Variants in TRIM34 observed in about 807,000 individuals in gnomAD.
The protein encoded by TRIM34 is E3 ubiquitin-protein ligase TRIM34.
Under a neutral mutation model 38.1 loss-of-function variants are expected in TRIM34, and 41 were observed. The observed-to-expected ratio is 1.08, with a 90% CI of 0.84 to 1.40. The LOEUF is 1.40. Among genes scored for constraint, TRIM34 ranks in the 40% most tolerant of loss-of-function variants. The probability of loss-of-function intolerance (pLI) is 0.00; values close to 1 mark genes in which losing one functional copy is unlikely to be tolerated. For synonymous variants in TRIM34, 200 were observed against 202.5 expected, an observed-to-expected ratio of 0.99 and a Z score of 0.10; for missense variants, 556 against 571.4, an observed-to-expected ratio of 0.97 and a Z score of 0.27.
In TRIM34 at chr11:5,632,993, ATTTT is replaced by A. The variant is rs147651925; in HGVS notation, c.423+254_423+257del. ...AGGCGCCTGCCACCGCGCCTGGCTAATTTTTTTTTTTTTTTTTTGGATTTTTAGT... is the reference window on the plus strand; with the variant it reads ...AGGCGCCTGCCACCGCGCCTGGCTAATTTTTTTTTTTTTTGGATTTTTAGT... On this transcript the variant is annotated intron_variant, in intron 2 of 7. Coordinates refer to ENST00000429814, the MANE Select transcript of TRIM34 (RefSeq NM_021616.6). Among the ~76,000 whole-genome samples, 522 of 122,246 alleles carry A rather than the reference ATTTT, an allele frequency of 4.3e-3. 5 individuals carry two copies. The South Asian group carries it at 0.046, about 11-fold the overall frequency. The allele number at this position is 122,246 out of a possible 152,430, so 80.2% of individuals were successfully genotyped here. A position where few individuals can be genotyped will look rare whatever the true frequency, so the allele number is the denominator to read the frequency against.
At chr11:5,631,617 T>C (rs1849484668) in intron 1 of TRIM34, among the ~76,000 whole-genome samples, 1 of 152,192 alleles carries the variant, frequency 6.6e-6, no homozygotes, top group Non-Finnish European at 1.5e-5. Context: ...TTTGTGTGGG[T>C]AGATGTGTTA....
intron 4 of TRIM34, among the ~76,000 whole-genome samples, chr11:5,639,446 C>T (rs966862166): frequency 5.3e-5 from 8 of 151,610 alleles, no homozygotes; most frequent in Non-Finnish European, 7.4e-5. Flanking sequence ...TTTGGGAGAC[C>T]GAAGAGGGCG....
At chr11:5,633,146 CTTTTTT>C (rs142147714) in intron 2 of TRIM34, among the ~76,000 whole-genome samples, 1 of 106,814 alleles carries the variant, frequency 9.4e-6, no homozygotes. Flanking sequence ...CCTTTTCTTT[CTTTTTT>C]TTTTTTTTTT....
At position 5,643,631 on chromosome 11, in the gene TRIM34, C is replaced by G. The variant is rs1264571731; in HGVS notation, c.1389C>G (p.Cys463Trp). Residue 463 changes from cysteine (C) to tryptophan (W), a missense_variant, in exon 8 of 8, where the codon TGC becomes TGG. Coordinates refer to ENST00000429814, the MANE Select transcript of TRIM34 (RefSeq NM_021616.6). ...TCATTTACAAGTTCTCTAAATGTTG[C>G]TTTTCTCAGCCTGTTTATCCATATT... is the stretch of plus-strand genomic sequence containing the variant. ...GSLIYKFSKCCFSQPVYPYFN... is the reference protein window; with the variant it reads ...GSLIYKFSKCWFSQPVYPYFN... 1.2e-6 allele frequency: 2 copies of G among 1,614,084 alleles called. No individual in the cohort carries two copies. Among genetic ancestry groups the G allele is most frequent in the East Asian group, 4.5e-5 (2 of 44,874 alleles).
chr11:5,625,342 A>G (rs760714512), intron 1 of TRIM34, among the ~76,000 whole-genome samples: 1 of 151,964 alleles, frequency 6.6e-6, no homozygotes. Flanking sequence ...TTCCTATTGT[A>G]TAATTTTGAT....
chr11:5,634,991 G>C, intron 4 of TRIM34, 130 bp downstream of exon 4: 1 of 893,208 alleles, frequency 1.1e-6, no homozygotes, highest in Non-Finnish European at 1.6e-6. Context: ...CATTCTAGAT[G>C]TCATGGACAT....
At chr11:5,636,551 G>T (rs753449216) in intron 4 of TRIM34, among the ~76,000 whole-genome samples, 7 of 152,084 alleles carry the variant, frequency 4.6e-5, no homozygotes, top group Non-Finnish European at 7.4e-5. Context: ...AAACAAAAAG[G>T]TTCCGTAGGC....
chr11:5,642,358 G>C (rs1850049686), intron 5 of TRIM34, 48 bp from the exon 6 acceptor site: 2 of 1,542,686 alleles, frequency 1.3e-6, no homozygotes, highest in East Asian at 2.2e-5. Flanking sequence ...GGGAGGGATG[G>C]ACACAGGATG....
upstream of TRIM34, among the ~76,000 whole-genome samples, chr11:5,624,070 C>T (rs1590149347): frequency 6.6e-6 from 1 of 152,130 alleles, no homozygotes; most frequent in African/African-American, 2.4e-5. Flanking sequence ...AAACGAGTGG[C>T]AACTCTTGTT....
chr11:5,623,527 C>A (rs1390038611), upstream of TRIM34, among the ~76,000 whole-genome samples: 19 of 128,642 alleles, frequency 1.5e-4, no homozygotes, highest in South Asian at 5.1e-3. Flanking sequence ...GCCACCATGC[C>A]CGGCTAATTT....
rs750209956 is a variant in TRIM34 at position 5,634,848 on chromosome 11, T to C, written c.737T>C (p.Met246Thr). 6.2e-6 allele frequency: 10 copies of C among 1,612,554 alleles called. No individual in the cohort carries two copies. Among genetic ancestry groups the C allele is most frequent in the Admixed American group, 1.7e-5 (1 of 59,978 alleles). ...DVECRSQWST[M>T]ELLQDMSGIM... ...GAGTGTCGGAGTCAGTGGTCAACAA[T>C]GGAGCTGCTGCAGGTAAGAAGGTTC... Residue 246 changes from methionine to threonine, a missense_variant, in exon 4 of 8, where the codon ATG becomes ACG. Met to Thr is a moderately conservative substitution (Grantham distance 81). Transcript: ENST00000429814.
At chr11:5,621,115 T>G (rs998338360), upstream of TRIM34, among the ~76,000 whole-genome samples, 14 of 152,218 alleles carry the variant, frequency 9.2e-5, no homozygotes, top group African/African-American at 3.1e-4. Flanking sequence ...GGAAATTCAC[T>G]TCTATCCATT....
upstream of TRIM34, among the ~76,000 whole-genome samples, chr11:5,624,083 A>G (rs1314933698): frequency 6.6e-6 from 1 of 152,140 alleles, no homozygotes; most frequent in Non-Finnish European, 1.5e-5. Flanking sequence ...CTCTTGTTCA[A>G]GTTTCCTCCT....
At chr11:5,636,818 T>C (rs551193497) in intron 4 of TRIM34, among the ~76,000 whole-genome samples, 3 of 152,232 alleles carry the variant, frequency 2.0e-5, no homozygotes, top group Admixed American at 6.5e-5. Context: ...TTTATCTGAG[T>C]AGGGACTTTG....
chr11:5,643,699 C>A lies in TRIM34; in HGVS notation c.1457C>A (p.Pro486Gln). ...NCPAPMTLCP[P>Q]SS ...CCAGCTCCCATGACTCTATGCCCAC[C>A]AAGCTCTTGAATTTTCTCATTTCTT... is the stretch of plus-strand genomic sequence containing the variant. The change falls in exon 8 of 8, where the codon CCA becomes CAA. Residue 486 changes from proline to glutamine, a missense_variant. Physicochemically the swap from Pro to Gln is moderately conservative, Grantham distance 76. Transcript: ENST00000429814. The A allele has an allele frequency of 6.3e-7, 1 of 1,580,646 alleles. No individual in the cohort carries two copies. The highest frequency in any genetic ancestry group is 1.4e-5 in the African/African-American group (1 of 73,224).
intron 4 of TRIM34, among the ~76,000 whole-genome samples, chr11:5,635,668 A>G (rs561719560): frequency 6.6e-6 from 1 of 152,108 alleles, no homozygotes; most frequent in East Asian, 1.9e-4. Flanking sequence ...ATTTCCAAAT[A>G]TTTCCTTTTT....
rs1271946180 is a variant in TRIM34 at position 5,632,723 on chromosome 11, T to C, written c.392T>C (p.Val131Ala). 1.2e-6 allele frequency: 2 copies of C among 1,608,834 alleles called. No individual in the cohort carries two copies. The highest frequency in any genetic ancestry group is 1.7e-6 in the Non-Finnish European group (2 of 1,177,526). Residue 131 changes from valine (V) to alanine (A), a missense_variant, in exon 2 of 8, where the codon GTC (valine) becomes GCC (alanine). By Grantham distance (64) the Val-to-Ala change is moderately conservative. Coordinates refer to ENST00000429814, the MANE Select transcript of TRIM34 (RefSeq NM_021616.6). ...RSQEHRGHHT[V>A]LTEEVFKECQ... is the part of the protein sequence containing the mutation. ...CAGGAGCACCGTGGTCACCACACAG[T>C]CCTCACGGAGGAAGTATTCAAGGAA...
rs1850118057 is a variant in TRIM34, at chr11:5,643,544, G to T, written c.1302G>T (p.Gly434=). Residue 434 remains glycine (G), a synonymous_variant, in exon 8 of 8, where the codon GGG becomes GGT. Transcript: ENST00000429814. ...LSMAVPPCRV[G]VFLDYEAGIV... Reference sequence around the variant, plus strand: ...TGGCTGTGCCTCCCTGCCGTGTTGGGGTTTTCCTCGACTATGAAGCAGGCA... The same window carrying T: ...TGGCTGTGCCTCCCTGCCGTGTTGGTGTTTTCCTCGACTATGAAGCAGGCA... The T allele has an allele frequency of 1.9e-6, 3 of 1,613,984 alleles. No homozygotes were observed. The highest frequency in any genetic ancestry group is 1.7e-5 in the Admixed American group (1 of 60,002).
At position 5,642,843 on chromosome 11, in the gene TRIM34, G is replaced by C; in HGVS notation, c.901G>C (p.Val301Leu). ...ACTGACAGCTGTCCGGTGCTACTGG[G>C]GTAAGAAAAAGTTAGTCTTTAAATA... ...RELTAVRCYW[V>L]DVTLNSVNLN... Residue 301 changes from valine to leucine, a missense_variant and splice_region_variant, in exon 7 of 8, where the codon GTG (valine) becomes CTG (leucine). Physicochemically the swap from Val to Leu is conservative, Grantham distance 32. Transcript: ENST00000429814. 1.2e-6 allele frequency: 2 copies of C among 1,613,348 alleles called. No individual in the cohort carries two copies. Among genetic ancestry groups the C allele is most frequent in the Non-Finnish European group, 8.5e-7 (1 of 1,179,728 alleles).
Sources: gnomAD v4.1 joint callset for allele counts (sites outside exome capture counted in the v4.1 genomes callset) on GRCh38, gnomAD v4.1.1 for gene constraint, MANE v1.5 for transcripts, NCBI Gene and HGNC (gene_info 2026-07-23, HGNC 2026-07-21) for gene names.